Variants in PRKCQ observed in about 807,000 individuals in gnomAD.
PRKCQ encodes protein kinase C theta, also known as protein kinase C theta type.
Under a neutral mutation model 91.2 loss-of-function variants are expected in PRKCQ, and 41 were observed. That is an observed-to-expected ratio of 0.45 (90% CI 0.35 to 0.58). The LOEUF is 0.58. Among genes scored for constraint, PRKCQ ranks in the 20% least tolerant of loss-of-function variants. The probability of loss-of-function intolerance (pLI) is 0.00; values close to 1 mark genes in which losing one functional copy is unlikely to be tolerated. For missense variants in PRKCQ, 673 were observed against 896.5 expected (o/e 0.75, Z 3.18); for synonymous variants, 307 against 316.9 (o/e 0.97, Z 0.33).
Position 6,428,174 on chromosome 10 carries a change from G to A in PRKCQ, c.*33C>T. The A allele has an allele frequency of 6.2e-7, 1 of 1,613,632 alleles. No homozygotes were observed. The highest frequency in any genetic ancestry group is 8.5e-7 in the Non-Finnish European group (1 of 1,179,844). ...TCTTGAACCAGTTCCCAGGGAGAAGGCAAATTCTTTCCTGTCTCTGGAGGG... is the reference window on the plus strand; with the variant it reads ...TCTTGAACCAGTTCCCAGGGAGAAGACAAATTCTTTCCTGTCTCTGGAGGG... On this transcript the variant is annotated 3_prime_UTR_variant, in exon 18 of 18. Transcript: ENST00000263125.
At chr10:6,405,211 G>A in the PRKCQ span, among the ~76,000 whole-genome samples, 1 of 152,162 alleles carries the variant, frequency 6.6e-6, no homozygotes, top group African/African-American at 2.4e-5. Flanking sequence ...TCAAACTCCT[G>A]AGCTAAAGCA....
intron 1 of PRKCQ, among the ~76,000 whole-genome samples, chr10:6,518,648 C>T (rs562459040): frequency 2.0e-5 from 3 of 152,044 alleles, no homozygotes; most frequent in African/African-American, 7.2e-5. Context: ...ATGGTGAAAC[C>T]CCCTCTCTAC....
At chr10:6,544,169 A>C (rs1489669794) in intron 1 of PRKCQ, among the ~76,000 whole-genome samples, 2 of 152,194 alleles carry the variant, frequency 1.3e-5, no homozygotes, top group Admixed American at 6.5e-5. Context: ...TATTCATGGG[A>C]ATTTTACCAA....
intron 16 of PRKCQ, among the ~76,000 whole-genome samples, chr10:6,432,375 G>T (rs1299646365): frequency 1.3e-5 from 2 of 152,082 alleles, no homozygotes; most frequent in Non-Finnish European, 1.5e-5. Flanking sequence ...GTAAAGTGAA[G>T]TTTTTTCGCT....
intron 1 of PRKCQ, among the ~76,000 whole-genome samples, chr10:6,558,583 A>T (rs1840507754): frequency 6.6e-6 from 1 of 152,218 alleles, no homozygotes; most frequent in Non-Finnish European, 1.5e-5. Context: ...TGTAACATGA[A>T]GATCTGAGAA....
At chr10:6,506,427 G>A (rs1588350874) in intron 4 of PRKCQ, among the ~76,000 whole-genome samples, 1 of 152,122 alleles carries the variant, frequency 6.6e-6, no homozygotes, top group Admixed American at 6.5e-5. Context: ...AAATATTTCA[G>A]CTATTCACTG....
At chr10:6,492,300 C>T (rs1837359766) in intron 7 of PRKCQ, among the ~76,000 whole-genome samples, 1 of 151,548 alleles carries the variant, frequency 6.6e-6, no homozygotes, top group Non-Finnish European at 1.5e-5. Flanking sequence ...ATCAGTATTA[C>T]TGCCTAATGT....
At chr10:6,570,743 C>T (rs1027233874) in intron 1 of PRKCQ, among the ~76,000 whole-genome samples, 4 of 151,922 alleles carry the variant, frequency 2.6e-5, no homozygotes, top group South Asian at 2.1e-4. Flanking sequence ...TTAGTAGAGA[C>T]GGGGTTTCAC....
chr10:6,437,359 CAAGAAGGCAG>C (rs1231099256), intron 16 of PRKCQ, among the ~76,000 whole-genome samples: 6 of 152,148 alleles, frequency 3.9e-5, no homozygotes, highest in African/African-American at 1.4e-4. Context: ...AAGGACACAA[CAAGAAGGCAG>C]CTGTCTACCA....
At chr10:6,461,859 A>G (rs147236155) in intron 14 of PRKCQ, among the ~76,000 whole-genome samples, 2 of 152,222 alleles carry the variant, frequency 1.3e-5, no homozygotes, top group Admixed American at 6.5e-5. Flanking sequence ...CAATAGTGTC[A>G]ATCTAAGAGC....
intron 16 of PRKCQ, among the ~76,000 whole-genome samples, chr10:6,434,799 T>A (rs1452855242): frequency 1.3e-5 from 2 of 152,242 alleles, no homozygotes; most frequent in African/African-American, 2.4e-5. Flanking sequence ...CAGTCCCTCC[T>A]CAGATATGTC....
chr10:6,520,083 C>T (rs986256280), intron 1 of PRKCQ, among the ~76,000 whole-genome samples: 1 of 152,208 alleles, frequency 6.6e-6, no homozygotes, highest in African/African-American at 2.4e-5. Context: ...ACTGGCCAGG[C>T]TGTTCCGAAC....
chr10:6,402,147 A>G, the PRKCQ span, among the ~76,000 whole-genome samples: 4 of 152,058 alleles, frequency 2.6e-5, no homozygotes, highest in Admixed American at 2.6e-4. Flanking sequence ...GAGTTGAACA[A>G]TGAGAACGCA....
At chr10:6,396,890 A>T in the PRKCQ span, among the ~76,000 whole-genome samples, 10 of 152,026 alleles carry the variant, frequency 6.6e-5, no homozygotes, top group Non-Finnish European at 1.3e-4. Flanking sequence ...AACATTTTAC[A>T]TTCCCAGCAG....
the PRKCQ span, among the ~76,000 whole-genome samples, chr10:6,405,108 G>T: frequency 4.6e-5 from 7 of 151,878 alleles, no homozygotes; most frequent in African/African-American, 1.7e-4. Flanking sequence ...CAGCCTCCCA[G>T]ATAGCTGGGT....
intron 13 of PRKCQ, among the ~76,000 whole-genome samples, chr10:6,463,027 G>A (rs1356085306): frequency 6.6e-6 from 1 of 150,864 alleles, no homozygotes; most frequent in Non-Finnish European, 1.5e-5. Context: ...AAAAGTAATA[G>A]TATAGATAAT....
At chr10:6,478,495 C>T (rs1433152652) in intron 12 of PRKCQ, among the ~76,000 whole-genome samples, 1 of 152,184 alleles carries the variant, frequency 6.6e-6, no homozygotes, top group East Asian at 1.9e-4. Context: ...AGGGTCCCAA[C>T]ACCGAGTGGG....
At chr10:6,433,081 G>A (rs969496014) in intron 16 of PRKCQ, among the ~76,000 whole-genome samples, 7 of 152,126 alleles carry the variant, frequency 4.6e-5, no homozygotes, top group Admixed American at 6.6e-5. Context: ...TGATTCTTAC[G>A]ACTGATACAT....
In PRKCQ at chr10:6,492,472, A is replaced by G. The variant is rs150600991; in HGVS notation, c.661-660T>C. Among the ~76,000 whole-genome samples the G allele has an allele frequency of 8.7e-4, 132 of 152,290 alleles. 3 individuals are homozygous for G. The East Asian group carries it at 0.023, about 27-fold the overall frequency. The stretch of plus-strand genomic sequence containing the variant: ...CCCTTTTGAAGTCGCTTCTATTAGT[A>G]TCCTCCTTTGACAGACGAGGAAATG... On this transcript the variant is annotated intron_variant, in intron 7 of 17. Coordinates refer to ENST00000263125, the MANE Select transcript of PRKCQ (RefSeq NM_006257.5).
Sources: gnomAD v4.1 joint callset for allele counts (sites outside exome capture counted in the v4.1 genomes callset) on GRCh38, gnomAD v4.1.1 for gene constraint, MANE v1.5 for transcripts, NCBI Gene and HGNC (gene_info 2026-07-23, HGNC 2026-07-21) for gene names.